Variants in TOP2B observed in about 807,000 individuals in gnomAD.
TOP2B encodes DNA topoisomerase 2-beta.
Under a neutral mutation model 193.5 loss-of-function variants are expected in TOP2B, and 51 were observed. The ratio of observed to expected loss-of-function variants is 0.26; its 90% CI spans 0.21 to 0.33. TOP2B has a LOEUF of 0.33. Among genes scored for constraint, TOP2B ranks in the 10% least tolerant of loss-of-function variants. The probability of loss-of-function intolerance (pLI) is 1.00; values close to 1 mark genes in which losing one functional copy is unlikely to be tolerated. For synonymous variants in TOP2B, 634 were observed against 635.7 expected, an observed-to-expected ratio of 1.00 and a Z score of 0.04; for missense variants, 1,378 against 1,909.3, an observed-to-expected ratio of 0.72 and a Z score of 5.19.
At chr3:25,638,519 C>T (rs948321466) in intron 4 of TOP2B, among the ~76,000 whole-genome samples, 1 of 151,240 alleles carries the variant, frequency 6.6e-6, no homozygotes, top group African/African-American at 2.4e-5. Flanking sequence ...TGAGTCGTAA[C>T]TAATAGAGAA....
intron 7 of TOP2B, among the ~76,000 whole-genome samples, chr3:25,635,062 G>C (rs534461441): frequency 2.6e-5 from 4 of 152,202 alleles, no homozygotes; most frequent in East Asian, 3.9e-4. Flanking sequence ...ACAACAGTGG[G>C]TTTCAGCTGG....
intron 25 of TOP2B, 97 bp downstream of exon 25, chr3:25,618,321 A>G: frequency 2.5e-6 from 2 of 788,974 alleles, no homozygotes; most frequent in Non-Finnish European, 4.3e-6. Flanking sequence ...CAGCACCTTT[A>G]GTAGTACTAA....
At chr3:25,650,589 A>G (rs999753911) in intron 1 of TOP2B, among the ~76,000 whole-genome samples, 1 of 152,224 alleles carries the variant, frequency 6.6e-6, no homozygotes, top group East Asian at 1.9e-4. Context: ...CATTGAATGG[A>G]AAGTCTGTGA....
At chr3:25,650,769 A>T (rs1366516493) in intron 1 of TOP2B, among the ~76,000 whole-genome samples, 2 of 152,238 alleles carry the variant, frequency 1.3e-5, no homozygotes. Flanking sequence ...CTTCATCTTT[A>T]ACATCATCTC....
In TOP2B at chr3:25,643,716, G is replaced by A; in HGVS notation, c.309C>T (p.Tyr103=). Residue 103 remains tyrosine (Y), a synonymous_variant, in exon 3 of 36, where the codon TAC becomes TAT. Transcript: ENST00000264331. ...CACCCAAAATTTCATCAAAGATCTTGTATAAACCTGGCACAAAGGTAACCT... is the reference window on the plus strand; with the variant it reads ...CACCCAAAATTTCATCAAAGATCTTATATAAACCTGGCACAAAGGTAACCT... The part of the protein sequence containing the change: ...CREVTFVPGL[Y]KIFDEILVNA... The A allele has an allele frequency of 1.9e-6, 3 of 1,613,142 alleles. No homozygotes were observed. Among genetic ancestry groups the A allele is most frequent in the Non-Finnish European group, 2.5e-6 (3 of 1,179,434 alleles).
At chr3:25,652,633 AC>A (rs1420304940) in intron 1 of TOP2B, among the ~76,000 whole-genome samples, 1 of 152,160 alleles carries the variant, frequency 6.6e-6, no homozygotes, top group Non-Finnish European at 1.5e-5. Flanking sequence ...ACAAATGAAA[AC>A]CAAAACACAA....
chr3:25,647,127 G>A (rs1045708053), intron 1 of TOP2B, among the ~76,000 whole-genome samples: 1 of 152,090 alleles, frequency 6.6e-6, no homozygotes, highest in Non-Finnish European at 1.5e-5. Context: ...CCAGAAAGAT[G>A]AACTTTATTT....
chr3:25,643,734 G>A lies in TOP2B; in HGVS notation c.291C>T (p.Thr97=), dbSNP rs1466094533. 6.2e-7 allele frequency: 1 copy of A among 1,613,256 alleles called. No homozygotes were observed. The highest frequency in any genetic ancestry group is 1.3e-5 in the African/African-American group (1 of 74,978). ...AGATCTTGTATAAACCTGGCACAAAGGTAACCTCCCTGCAATTCATTCCTA... is the reference window on the plus strand; with the variant it reads ...AGATCTTGTATAAACCTGGCACAAAAGTAACCTCCCTGCAATTCATTCCTA... ...EDVGMNCREV[T]FVPGLYKIFD... The change falls in exon 3 of 36, where the codon ACC becomes ACT. Residue 97 remains threonine, a synonymous_variant. Transcript: ENST00000264331.
chr3:25,624,410 C>T lies in TOP2B; in HGVS notation c.2382G>A (p.Gln794=), dbSNP rs747336570. Residue 794 remains glutamine, a synonymous_variant, in exon 20 of 36, where the codon CAG becomes CAA. Coordinates refer to ENST00000264331, the MANE Select transcript of TOP2B (RefSeq NM_001330700.2). ...ALMMTIVNLA[Q]NFVGSNNINL... Reference sequence around the variant, plus strand: ...TAATGTTGTTACTTCCCACAAAGTTCTGAGCCAAATTCACAATAGTCATCA... The same window carrying T: ...TAATGTTGTTACTTCCCACAAAGTTTTGAGCCAAATTCACAATAGTCATCA... 22 of 1,613,784 alleles carry T rather than the reference C, an allele frequency of 1.4e-5. No homozygotes were observed. Among genetic ancestry groups the T allele is most frequent in the Non-Finnish European group, 1.8e-5 (21 of 1,179,844 alleles).
At chr3:25,647,523 A>T (rs1162035427) in intron 1 of TOP2B, among the ~76,000 whole-genome samples, 1 of 152,078 alleles carries the variant, frequency 6.6e-6, no homozygotes, top group African/African-American at 2.4e-5. Context: ...CAACCCCATC[A>T]CAAAGAAAAT....
At position 25,614,718 on chromosome 3, in the gene TOP2B, T is replaced by C. The variant is rs529226760; in HGVS notation, c.3591+487A>G. 2.6e-5 allele frequency among the ~76,000 whole-genome samples: 4 copies of C among 152,204 alleles called. No homozygotes were observed. In the South Asian group the frequency reaches 6.2e-4, roughly 24 times the overall value. Reference sequence around the variant, plus strand: ...GCTACCATTAATTCCAATATTTTAATTGGGCAATTTTAGAAAAGGTGTGCT... The same window carrying C: ...GCTACCATTAATTCCAATATTTTAACTGGGCAATTTTAGAAAAGGTGTGCT... On this transcript the variant is annotated intron_variant, in intron 27 of 35. Transcript: ENST00000264331.
intron 21 of TOP2B, among the ~76,000 whole-genome samples, 174 bp downstream of exon 21, chr3:25,623,341 T>C (rs1287337244): frequency 6.6e-6 from 1 of 152,216 alleles, no homozygotes; most frequent in Admixed American, 6.5e-5. Context: ...CCAAAACTCA[T>C]TCCAAAGTTT....
At chr3:25,617,224 TA>T (rs548454252) in intron 25 of TOP2B, among the ~76,000 whole-genome samples, 5 of 151,548 alleles carry the variant, frequency 3.3e-5, no homozygotes, top group Admixed American at 2.6e-4. Context: ...TTACTTTTTT[TA>T]AAAAAAAACA....
intron 1 of TOP2B, among the ~76,000 whole-genome samples, chr3:25,650,508 ATTTG>A (rs1380861965): frequency 6.6e-6 from 1 of 152,144 alleles, no homozygotes; most frequent in Non-Finnish European, 1.5e-5. Flanking sequence ...TCTTGATCCC[ATTTG>A]TTTAAAATTT....
chr3:25,649,619 A>AAC (rs1204809665), intron 1 of TOP2B, among the ~76,000 whole-genome samples: 5 of 151,838 alleles, frequency 3.3e-5, no homozygotes, highest in African/African-American at 1.2e-4. Flanking sequence ...GAAAAAAAAA[A>AAC]AAAACACTGC....
At chr3:25,616,333 C>G (rs1702503667) in intron 25 of TOP2B, among the ~76,000 whole-genome samples, 1 of 148,824 alleles carries the variant, frequency 6.7e-6, no homozygotes, top group Non-Finnish European at 1.5e-5. Context: ...AAAATTTTAT[C>G]TAAGTTGTTT....
chr3:25,624,265 A>G (rs764608443), intron 20 of TOP2B, 32 bp downstream of exon 20: 1 of 1,609,888 alleles, frequency 6.2e-7, no homozygotes, highest in South Asian at 1.1e-5. Flanking sequence ...AATCAAATCA[A>G]ACTTTATACC....
chr3:25,645,239 A>T, intron 2 of TOP2B, 61 bp downstream of exon 2: 1 of 1,372,518 alleles, frequency 7.3e-7, no homozygotes, highest in Non-Finnish European at 9.8e-7. Context: ...TTTTATCAAC[A>T]TATTAAAAAG....
chr3:25,650,201 T>C (rs1703545135), intron 1 of TOP2B, among the ~76,000 whole-genome samples: 1 of 152,234 alleles, frequency 6.6e-6, no homozygotes, highest in Non-Finnish European at 1.5e-5. Context: ...AGAAAGACTC[T>C]GGTGAAGCTT....
Sources: allele counts gnomAD v4.1 joint callset (sites outside exome capture counted in the v4.1 genomes callset), GRCh38; gene constraint gnomAD v4.1.1; transcripts MANE v1.5; gene names NCBI Gene and HGNC (gene_info 2026-07-23, HGNC 2026-07-21).